DOCK2: variants seen among roughly 807,000 people sequenced by gnomAD.
DOCK2 encodes the protein dedicator of cytokinesis 2, also known as dedicator of cytokinesis protein 2.
DOCK2 carries 87 observed loss-of-function variants against 248.9 expected under a neutral mutation model. The observed-to-expected ratio is 0.35, with a 90% CI of 0.29 to 0.42. The LOEUF (loss-of-function observed/expected upper bound fraction) is 0.42. DOCK2 is among the 10% of genes least tolerant of loss of function. The probability of loss-of-function intolerance (pLI) is 1.00; values close to 1 mark genes in which losing one functional copy is unlikely to be tolerated. For synonymous variants in DOCK2, 805 were observed against 821.6 expected (o/e 0.98, Z 0.35); for missense variants, 1,747 against 2,300.2 (o/e 0.76, Z 4.92).
chr5:169,714,338 G>A (rs1761781787), intron 18 of DOCK2, 22 bp from the exon 19 acceptor site: 6 of 1,613,854 alleles, frequency 3.7e-6, no homozygotes, highest in Admixed American at 1.7e-5. Context: ...TGATACTTCT[G>A]AATGTCTGGA....
At chr5:170,037,380 A>T (rs968056255) in intron 36 of DOCK2, among the ~76,000 whole-genome samples, 6 of 151,982 alleles carry the variant, frequency 3.9e-5, no homozygotes, top group East Asian at 3.8e-4. Flanking sequence ...GAAACTATAA[A>T]ATTTTTTCCA....
intron 19 of DOCK2, 27 bp from the exon 20 acceptor site, chr5:169,716,186 T>C (rs879247391): frequency 6.2e-7 from 1 of 1,604,858 alleles, no homozygotes; most frequent in Non-Finnish European, 8.5e-7. Context: ...GTTTCTGAAG[T>C]AGTGCAACCT....
At chr5:169,686,622 G>C (rs1301691482) in intron 8 of DOCK2, among the ~76,000 whole-genome samples, 1 of 152,170 alleles carries the variant, frequency 6.6e-6, no homozygotes, top group Non-Finnish European at 1.5e-5. Flanking sequence ...CTGAAGAGCT[G>C]CTCTTTCCCT....
chr5:169,642,748 C>T (rs1197745703), intron 1 of DOCK2, among the ~76,000 whole-genome samples: 5 of 152,096 alleles, frequency 3.3e-5, no homozygotes, highest in East Asian at 1.9e-4. Flanking sequence ...TGTCCTAATC[C>T]GTAGTTATAT....
chr5:170,008,507 A>G lies in DOCK2; in HGVS notation c.3083A>G (p.Asn1028Ser). 1 of 1,614,098 alleles carries G rather than the reference A, an allele frequency of 6.2e-7. No individual in the cohort carries two copies. The change falls in exon 31 of 52, where the codon AAC (asparagine) becomes AGC (serine). Residue 1028 changes from asparagine (N) to serine (S), a missense_variant. This residue lies in a region of DOCK2 where 858 missense variants were observed against 1,183.5 expected (regional missense o/e 0.72). Transcript: ENST00000520908. ...CTCTTTCATTTACAGCTGTGGAACA[A>G]CTATTTTCATCTGGCAGTGGCTTTT... The part of the protein sequence containing the change: ...HTNFEFQLWN[N>S]YFHLAVAFIT...
intron 26 of DOCK2, among the ~76,000 whole-genome samples, chr5:169,813,706 G>A (rs1767894290): frequency 6.6e-6 from 1 of 152,220 alleles, no homozygotes; most frequent in African/African-American, 2.4e-5. Context: ...AGACCAAGGA[G>A]GGGAGATATG....
chr5:169,790,001 G>T lies in DOCK2; in HGVS notation c.2555-13057G>T, dbSNP rs537563671. ...AACAACACTAGGTTTTAAATCTGTGGAGCTGTAAATGAGAGGAGCTTCAGC... is the reference window on the plus strand; with the variant it reads ...AACAACACTAGGTTTTAAATCTGTGTAGCTGTAAATGAGAGGAGCTTCAGC... On this transcript the variant is annotated intron_variant, in intron 25 of 51. Transcript: ENST00000520908. 2.0e-5 allele frequency among the ~76,000 whole-genome samples: 3 copies of T among 152,278 alleles called. No individual in the cohort carries two copies. The South Asian group carries it at 6.2e-4, about 32-fold the overall frequency.
chr5:170,054,436 C>T (rs2113856084), intron 41 of DOCK2, among the ~76,000 whole-genome samples: 1 of 152,298 alleles, frequency 6.6e-6, no homozygotes, highest in Admixed American at 6.5e-5. Context: ...CTTAAAAGGA[C>T]TAAAGACAGA....
chr5:169,967,789 G>A (rs988298400), intron 27 of DOCK2, among the ~76,000 whole-genome samples: 8 of 152,102 alleles, frequency 5.3e-5, no homozygotes, highest in African/African-American at 1.9e-4. Context: ...AAGAGTGTAG[G>A]GAGAGAAATG....
chr5:169,958,336 G>C (rs1291760867), intron 27 of DOCK2, among the ~76,000 whole-genome samples: 3 of 152,166 alleles, frequency 2.0e-5, no homozygotes, highest in Non-Finnish European at 4.4e-5. Flanking sequence ...TTCTAAGCTT[G>C]GGTTTCTGGG....
chr5:169,962,950 G>A (rs1447622320), intron 27 of DOCK2, among the ~76,000 whole-genome samples: 1 of 152,202 alleles, frequency 6.6e-6, no homozygotes, highest in African/African-American at 2.4e-5. Flanking sequence ...TATAGGATGG[G>A]AAGTGGAAGG....
rs896752625 is a variant in DOCK2 at position 169,722,829 on chromosome 5, G to A, written c.2267+4038G>A. Among the ~76,000 whole-genome samples, 10 of 152,246 alleles carry A rather than the reference G, an allele frequency of 6.6e-5. 1 individual carries two copies. Among genetic ancestry groups the A allele is most frequent in the African/African-American group, 2.4e-4 (10 of 41,540 alleles). On this transcript the variant is annotated intron_variant, in intron 22 of 51. Coordinates refer to ENST00000520908, the MANE Select transcript of DOCK2 (RefSeq NM_004946.3). ...GGGTCTTGATTCAAGCTTAAAATTT[G>A]ACTTACTACTCATACTATCCTAAAC...
chr5:169,894,947 C>CA (rs1348605340), intron 27 of DOCK2, among the ~76,000 whole-genome samples: 2 of 152,178 alleles, frequency 1.3e-5, no homozygotes, highest in East Asian at 3.9e-4. Context: ...GTTGTGGCCC[C>CA]CCGTGAGGTC....
intron 25 of DOCK2, among the ~76,000 whole-genome samples, chr5:169,788,739 A>G (rs1461490608): frequency 6.6e-6 from 1 of 152,216 alleles, no homozygotes; most frequent in East Asian, 1.9e-4. Flanking sequence ...TAATAAACAC[A>G]TGAACAAATA....
intron 27 of DOCK2, among the ~76,000 whole-genome samples, chr5:169,885,048 A>G (rs1200806844): frequency 6.6e-6 from 1 of 152,014 alleles, no homozygotes; most frequent in Admixed American, 6.6e-5. Flanking sequence ...TCTGCACAGC[A>G]CTCAGCCAAC....
At chr5:169,938,447 T>C (rs1364604217) in intron 27 of DOCK2, among the ~76,000 whole-genome samples, 1 of 152,212 alleles carries the variant, frequency 6.6e-6, no homozygotes, top group Admixed American at 6.5e-5. Context: ...GCTGTAAACC[T>C]GTATAGCATG....
intron 36 of DOCK2, chr5:170,040,618 C>T (rs1280099981): frequency 5.3e-6 from 1 of 189,372 alleles, no homozygotes; most frequent in Non-Finnish European, 1.2e-5. Flanking sequence ...GCATCATGTC[C>T]TGACTCTTCT....
intron 27 of DOCK2, among the ~76,000 whole-genome samples, chr5:169,927,315 A>G (rs1214088393): frequency 6.6e-6 from 1 of 152,186 alleles, no homozygotes; most frequent in Non-Finnish European, 1.5e-5. Flanking sequence ...TTGTAATGCA[A>G]GGCAGAGTTC....
chr5:169,822,880 A>G (rs575017493), intron 26 of DOCK2, among the ~76,000 whole-genome samples: 1 of 152,342 alleles, frequency 6.6e-6, no homozygotes, highest in Admixed American at 6.5e-5. Context: ...TAGCAAGACT[A>G]ATAAAGAGGA....
Sources: gnomAD v4.1 joint callset for allele counts (sites outside exome capture counted in the v4.1 genomes callset) on GRCh38, gnomAD v4.1.1 for gene constraint, gnomAD v4.1.1 regional missense constraint, MANE v1.5 for transcripts, NCBI Gene and HGNC (gene_info 2026-07-23, HGNC 2026-07-21) for gene names.